Variants in KCND2 observed in about 807,000 individuals in gnomAD.
The protein encoded by KCND2 is A-type voltage-gated potassium channel KCND2.
In KCND2, 16 loss-of-function variants were observed where a neutral mutation model predicts 54.4. The ratio of observed to expected loss-of-function variants is 0.29; its 90% confidence interval spans 0.20 to 0.45. The LOEUF is 0.45. Ranked by LOEUF, KCND2 falls within the 20% of genes least tolerant of loss-of-function variation. KCND2 has a pLI of 1.00. For synonymous variants in KCND2, 317 were observed against 310.7 expected (o/e 1.02, Z -0.21); for missense variants, 486 against 824.2 (o/e 0.59, Z 5.02).
chr7:120,734,329 G>A (rs1792844827), intron 2 of KCND2, among the ~76,000 whole-genome samples: 1 of 152,036 alleles, frequency 6.6e-6, no homozygotes, highest in Admixed American at 6.6e-5. Context: ...AAATATGTAA[G>A]GAGGCAACTT....
chr7:120,717,997 T>G (rs1792623766), intron 1 of KCND2, among the ~76,000 whole-genome samples: 1 of 152,064 alleles, frequency 6.6e-6, no homozygotes, highest in South Asian at 2.1e-4. Flanking sequence ...CAATATTACA[T>G]AAGTGGTAGG....
intron 1 of KCND2, among the ~76,000 whole-genome samples, chr7:120,351,344 T>G (rs1800399064): frequency 6.9e-6 from 1 of 144,932 alleles, no homozygotes; most frequent in Admixed American, 7.1e-5. Flanking sequence ...AATGGGATCA[T>G]CTCAAAAAAA....
intron 1 of KCND2, among the ~76,000 whole-genome samples, chr7:120,689,415 A>G (rs78658034): frequency 0.091 from 13,851 of 152,174 alleles, 1,000 homozygotes; most frequent in East Asian, 0.42. Flanking sequence ...TTAAAGTAAA[A>G]TGGTTCCATC....
intron 1 of KCND2, among the ~76,000 whole-genome samples, chr7:120,690,018 T>C (rs1364700048): frequency 6.6e-6 from 1 of 152,192 alleles, no homozygotes; most frequent in Non-Finnish European, 1.5e-5. Context: ...TCCTGGACCC[T>C]TTCTGATTTC....
chr7:120,629,304 G>A (rs1338895983), intron 1 of KCND2, among the ~76,000 whole-genome samples: 3 of 152,106 alleles, frequency 2.0e-5, no homozygotes, highest in African/African-American at 7.2e-5. Flanking sequence ...TTGGTAACTC[G>A]GTGAAACCCC....
chr7:120,491,320 C>T (rs937764422), intron 1 of KCND2, among the ~76,000 whole-genome samples: 1 of 151,970 alleles, frequency 6.6e-6, no homozygotes, highest in African/African-American at 2.4e-5. Context: ...TTATCGGGTG[C>T]CTACTATGCA....
intron 1 of KCND2, among the ~76,000 whole-genome samples, chr7:120,290,251 C>G (rs1371263121): frequency 1.3e-5 from 2 of 152,042 alleles, no homozygotes; most frequent in African/African-American, 4.8e-5. Flanking sequence ...CTAGCCACTT[C>G]TTCAACCACA....
intron 1 of KCND2, among the ~76,000 whole-genome samples, chr7:120,309,474 T>TATATAC (rs1257702636): frequency 3.5e-5 from 4 of 113,278 alleles, no homozygotes; most frequent in African/African-American, 1.3e-4. Flanking sequence ...TATATATATA[T>TATATAC]ACACACACAC....
At chr7:120,296,366 G>A (rs1799514356) in intron 1 of KCND2, among the ~76,000 whole-genome samples, 1 of 152,000 alleles carries the variant, frequency 6.6e-6, no homozygotes, top group Non-Finnish European at 1.5e-5. Context: ...ATCTCATTAA[G>A]TTTAATTCCT....
At chr7:120,651,363 G>C (rs1167938562) in intron 1 of KCND2, among the ~76,000 whole-genome samples, 2 of 152,104 alleles carry the variant, frequency 1.3e-5, no homozygotes, top group Non-Finnish European at 2.9e-5. Context: ...TTCGATCTCA[G>C]ACTGCTGTGC....
chr7:120,460,487 G>A (rs574206399), intron 1 of KCND2, among the ~76,000 whole-genome samples: 1 of 147,330 alleles, frequency 6.8e-6, no homozygotes, highest in East Asian at 2.0e-4. Flanking sequence ...TCATTTCAGT[G>A]TTATTCTCAG....
chr7:120,460,861 A>G (rs1242462663), intron 1 of KCND2, among the ~76,000 whole-genome samples: 2 of 152,196 alleles, frequency 1.3e-5, no homozygotes, highest in African/African-American at 4.8e-5. Flanking sequence ...CTTCTGTACA[A>G]ATTCAACCAA....
At chr7:120,437,444 T>C (rs996103674) in intron 1 of KCND2, among the ~76,000 whole-genome samples, 3 of 152,092 alleles carry the variant, frequency 2.0e-5, no homozygotes, top group Non-Finnish European at 2.9e-5. Flanking sequence ...TCAGGTGATC[T>C]GCCCACCTTG....
At chr7:120,698,335 G>T (rs1277343441) in intron 1 of KCND2, among the ~76,000 whole-genome samples, 1 of 152,184 alleles carries the variant, frequency 6.6e-6, no homozygotes, top group Non-Finnish European at 1.5e-5. Context: ...GAGCCAGGTG[G>T]TGGGCTTAAG....
At chr7:120,369,747 A>G (rs1405593061) in intron 1 of KCND2, among the ~76,000 whole-genome samples, 1 of 152,048 alleles carries the variant, frequency 6.6e-6, no homozygotes, top group Non-Finnish European at 1.5e-5. Context: ...CTTTCACAGT[A>G]TGCTCAAGTT....
intron 1 of KCND2, among the ~76,000 whole-genome samples, chr7:120,650,052 T>C (rs1332897976): frequency 3.3e-5 from 5 of 151,908 alleles, no homozygotes; most frequent in Non-Finnish European, 7.4e-5. Flanking sequence ...CTTAACATTT[T>C]TTCCTTCATT....
At chr7:120,673,429 C>T (rs1323798556) in intron 1 of KCND2, among the ~76,000 whole-genome samples, 1 of 152,096 alleles carries the variant, frequency 6.6e-6, no homozygotes, top group Non-Finnish European at 1.5e-5. Context: ...AGTTGGAATA[C>T]AGCTTCCCAA....
chr7:120,540,146 G>A (rs941282925), intron 1 of KCND2, among the ~76,000 whole-genome samples: 4 of 152,034 alleles, frequency 2.6e-5, no homozygotes, highest in South Asian at 2.1e-4. Context: ...TGATCCACCC[G>A]CCTTGACCTC....
At chr7:120,613,260 T>C (rs1792979299) in intron 1 of KCND2, among the ~76,000 whole-genome samples, 1 of 152,146 alleles carries the variant, frequency 6.6e-6, no homozygotes, top group Non-Finnish European at 1.5e-5. Context: ...CCAGGCATAG[T>C]GGTTCATGCC....
Sources: gnomAD v4.1 joint callset for allele counts (sites outside exome capture counted in the v4.1 genomes callset) on GRCh38, gnomAD v4.1.1 for gene constraint, MANE v1.5 for transcripts, NCBI Gene and HGNC (gene_info 2026-07-23, HGNC 2026-07-21) for gene names.